Variants in MACROD2 observed in about 807,000 individuals in gnomAD.
The protein encoded by MACROD2 is ADP-ribose glycohydrolase MACROD2.
In MACROD2, 36 loss-of-function variants were observed where a neutral mutation model predicts 70.4. The observed-to-expected ratio is 0.51, with a 90% CI of 0.39 to 0.68. The LOEUF is 0.68. MACROD2 is among the 30% of genes least tolerant of loss of function. The probability of loss-of-function intolerance (pLI) is 0.00; values close to 1 mark genes in which losing one functional copy is unlikely to be tolerated. For synonymous variants in MACROD2, 172 were observed against 178.8 expected (o/e 0.96, Z 0.30); for missense variants, 496 against 538.4 (o/e 0.92, Z 0.78).
intron 5 of MACROD2, among the ~76,000 whole-genome samples, chr20:14,698,284 C>T (rs1298871450): frequency 1.3e-5 from 2 of 152,104 alleles, no homozygotes; most frequent in Non-Finnish European, 2.9e-5. Flanking sequence ...ACTTTGAAGC[C>T]CAACATTCTA....
intron 8 of MACROD2, among the ~76,000 whole-genome samples, chr20:15,796,766 A>C (rs2063677641): frequency 6.6e-6 from 1 of 152,236 alleles, no homozygotes; most frequent in African/African-American, 2.4e-5. Context: ...ACATGAAATG[A>C]GTACTGGTAA....
At chr20:14,158,356 T>G (rs1210162415) in intron 3 of MACROD2, among the ~76,000 whole-genome samples, 2 of 152,190 alleles carry the variant, frequency 1.3e-5, no homozygotes, top group African/African-American at 2.4e-5. Flanking sequence ...ACGAGTGGTT[T>G]GCAAATATTT....
intron 3 of MACROD2, among the ~76,000 whole-genome samples, chr20:14,123,165 G>A (rs2054606225): frequency 6.6e-6 from 1 of 151,958 alleles, no homozygotes; most frequent in South Asian, 2.1e-4. Flanking sequence ...CTTAACCTAT[G>A]GCCCTTATTT....
At chr20:14,876,445 T>C (rs1271416048) in intron 5 of MACROD2, among the ~76,000 whole-genome samples, 2 of 152,194 alleles carry the variant, frequency 1.3e-5, no homozygotes, top group East Asian at 3.9e-4. Flanking sequence ...ATAGCCTCTT[T>C]TGTTGTGCAG....
chr20:14,720,569 T>TTTGTG (rs531072431), intron 5 of MACROD2, among the ~76,000 whole-genome samples: 1 of 84,162 alleles, frequency 1.2e-5, no homozygotes, highest in South Asian at 3.5e-4. Flanking sequence ...TTTTTTTTTT[T>TTTGTG]TGTGAGGCAG....
intron 4 of MACROD2, among the ~76,000 whole-genome samples, chr20:14,610,672 A>G (rs1983100609): frequency 1.3e-5 from 2 of 152,116 alleles, no homozygotes; most frequent in African/African-American, 4.8e-5. Flanking sequence ...TTCTGGAAAT[A>G]CAGTATGACA....
chr20:14,334,517 T>G (rs1196491146), intron 3 of MACROD2, among the ~76,000 whole-genome samples: 1 of 152,090 alleles, frequency 6.6e-6, no homozygotes, highest in Non-Finnish European at 1.5e-5. Flanking sequence ...TTTTGCCCAC[T>G]GGGGGGTGGT....
intron 7 of MACROD2, among the ~76,000 whole-genome samples, chr20:15,436,290 A>G (rs549451500): frequency 3.5e-4 from 53 of 152,258 alleles, no homozygotes; most frequent in African/African-American, 9.9e-4. Context: ...CCTCACAATC[A>G]TGGTGGAAGG....
chr20:15,198,356 A>G (rs1045827455), intron 5 of MACROD2, among the ~76,000 whole-genome samples: 1 of 152,178 alleles, frequency 6.6e-6, no homozygotes, highest in African/African-American at 2.4e-5. Context: ...TTAATTTTCT[A>G]ATTATAAGCA....
At chr20:14,817,726 C>A (rs934663334) in intron 5 of MACROD2, among the ~76,000 whole-genome samples, 1 of 152,048 alleles carries the variant, frequency 6.6e-6, no homozygotes, top group African/African-American at 2.4e-5. Flanking sequence ...CTGAGAGAAG[C>A]CTTGGAAATG....
intron 8 of MACROD2, among the ~76,000 whole-genome samples, chr20:15,570,776 A>G (rs1279571490): frequency 6.6e-6 from 1 of 152,192 alleles, no homozygotes; most frequent in Non-Finnish European, 1.5e-5. Context: ...AATTGGACCA[A>G]TTTAGGTCAC....
At chr20:15,831,785 A>G (rs552761163) in intron 8 of MACROD2, among the ~76,000 whole-genome samples, 3 of 152,318 alleles carry the variant, frequency 2.0e-5, no homozygotes, top group African/African-American at 7.2e-5. Flanking sequence ...CTGCCTCTGA[A>G]CTATCAGGTG....
intron 5 of MACROD2, among the ~76,000 whole-genome samples, chr20:14,891,172 T>A (rs1184127437): frequency 2.6e-5 from 4 of 152,118 alleles, no homozygotes; most frequent in African/African-American, 9.7e-5. Context: ...GGAATTTTTT[T>A]AAACTCTTGG....
intron 4 of MACROD2, among the ~76,000 whole-genome samples, chr20:14,517,750 A>C (rs6079468): frequency 0.16 from 24,125 of 152,068 alleles, 2,175 homozygotes; most frequent in Non-Finnish European, 0.2. Flanking sequence ...TTCCACATGT[A>C]TGCCATTTAT....
intron 12 of MACROD2, among the ~76,000 whole-genome samples, chr20:15,942,833 A>G (rs936452500): frequency 2.6e-4 from 39 of 152,180 alleles, no homozygotes; most frequent in Non-Finnish European, 2.9e-5. Flanking sequence ...TGCTGTTTAA[A>G]CTCGTCTTAA....
At chr20:15,130,062 T>G (rs2076094223) in intron 5 of MACROD2, among the ~76,000 whole-genome samples, 1 of 152,120 alleles carries the variant, frequency 6.6e-6, no homozygotes, top group Non-Finnish European at 1.5e-5. Context: ...ACAGTGTAAT[T>G]AAGTTATGCA....
intron 4 of MACROD2, among the ~76,000 whole-genome samples, chr20:14,532,305 G>T (rs772411783): frequency 6.9e-6 from 1 of 144,984 alleles, no homozygotes; most frequent in Admixed American, 7.1e-5. Flanking sequence ...TGCAACCTCC[G>T]CCTCCCGGGT....
At chr20:15,343,257 T>A (rs2078129451) in intron 6 of MACROD2, among the ~76,000 whole-genome samples, 1 of 152,226 alleles carries the variant, frequency 6.6e-6, no homozygotes, top group Admixed American at 6.5e-5. Flanking sequence ...TTTTTTGTGT[T>A]CATTTGTTGG....
chr20:15,059,704 A>G (rs1159567616), intron 5 of MACROD2, among the ~76,000 whole-genome samples: 1 of 152,216 alleles, frequency 6.6e-6, no homozygotes, highest in Non-Finnish European at 1.5e-5. Flanking sequence ...TTTACCCAAC[A>G]TATAGGAATT....
Sources: gnomAD v4.1 joint callset for allele counts (sites outside exome capture counted in the v4.1 genomes callset) on GRCh38, gnomAD v4.1.1 for gene constraint, MANE v1.5 for transcripts, NCBI Gene and HGNC (gene_info 2026-07-23, HGNC 2026-07-21) for gene names.